The following MSRA variants were observed in gnomAD, a reference collection of about 807,000 sequenced individuals.
MSRA encodes the protein mitochondrial peptide methionine sulfoxide reductase.
MSRA carries 54 observed loss-of-function variants against 31.3 expected under a neutral mutation model. The observed-to-expected ratio is 1.73, with a 90% CI of 1.39 to 2.17. The LOEUF is 2.17. MSRA is among the 30% of genes most tolerant of loss of function. MSRA has a pLI of 0.00. For synonymous variants in MSRA, 169 were observed against 116.5 expected (o/e 1.45, Z -2.90); for missense variants, 507 against 300.9 (o/e 1.69, Z -5.07).
chr8:10,087,977 T>A (rs1005248263), intron 1 of MSRA, among the ~76,000 whole-genome samples: 1 of 152,216 alleles, frequency 6.6e-6, no homozygotes, highest in Non-Finnish European at 1.5e-5. Flanking sequence ...GGCAAATACT[T>A]CAGTTAATGC....
intron 1 of MSRA, among the ~76,000 whole-genome samples, chr8:10,126,852 T>G (rs1306749056): frequency 6.6e-6 from 1 of 152,188 alleles, no homozygotes; most frequent in Non-Finnish European, 1.5e-5. Flanking sequence ...TTAGATATCT[T>G]GCACATGCAG....
intron 3 of MSRA, among the ~76,000 whole-genome samples, chr8:10,296,105 C>T (rs1234509430): frequency 6.6e-6 from 1 of 152,118 alleles, no homozygotes; most frequent in African/African-American, 2.4e-5. Flanking sequence ...CTGGGCCTTT[C>T]TAGGGTGTGG....
chr8:10,070,128 T>A (rs1432531373), intron 1 of MSRA, among the ~76,000 whole-genome samples: 1 of 152,240 alleles, frequency 6.6e-6, no homozygotes, highest in East Asian at 1.9e-4. Context: ...TCTGTGATGA[T>A]GAATACTTTG....
At chr8:10,196,992 C>G (rs1469616041) in intron 1 of MSRA, among the ~76,000 whole-genome samples, 1 of 152,172 alleles carries the variant, frequency 6.6e-6, no homozygotes, top group Non-Finnish European at 1.5e-5. Context: ...AAACACATGT[C>G]TTAGTATAAA....
At chr8:10,105,343 G>A (rs534363357) in intron 1 of MSRA, among the ~76,000 whole-genome samples, 3 of 152,248 alleles carry the variant, frequency 2.0e-5, no homozygotes, top group East Asian at 3.9e-4. Flanking sequence ...GGCAGAGAGG[G>A]CTAATGGGAC....
chr8:10,273,005 A>G (rs1799127538), intron 3 of MSRA, among the ~76,000 whole-genome samples: 2 of 152,242 alleles, frequency 1.3e-5, no homozygotes, highest in African/African-American at 2.4e-5. Context: ...GGTATAAGCA[A>G]TCATGAAGAG....
intron 4 of MSRA, among the ~76,000 whole-genome samples, chr8:10,316,150 G>C (rs538575323): frequency 2.2e-4 from 34 of 151,916 alleles, no homozygotes; most frequent in Admixed American, 3.9e-4. Flanking sequence ...GCAGGTGATA[G>C]ATAGTGACCG....
intron 5 of MSRA, among the ~76,000 whole-genome samples, chr8:10,395,439 C>G (rs1044703443): frequency 6.6e-6 from 1 of 151,948 alleles, no homozygotes; most frequent in African/African-American, 2.4e-5. Context: ...TTGGTTGAGG[C>G]CAAAATATGG....
intron 1 of MSRA, among the ~76,000 whole-genome samples, chr8:10,091,684 G>A (rs1280355897): frequency 2.1e-5 from 3 of 146,268 alleles, no homozygotes; most frequent in Non-Finnish European, 4.5e-5. Context: ...TTGGCTCATT[G>A]CAACCTCTGC....
chr8:10,159,140 A>G (rs1192837398), intron 1 of MSRA, among the ~76,000 whole-genome samples: 1 of 152,154 alleles, frequency 6.6e-6, no homozygotes, highest in Non-Finnish European at 1.5e-5. Flanking sequence ...GAATGGTGAG[A>G]AGTGAGTGGA....
chr8:10,207,769 G>T, intron 1 of MSRA, 64 bp from the exon 2 acceptor site: 2 of 1,405,838 alleles, frequency 1.4e-6, no homozygotes, highest in East Asian at 2.3e-5. Context: ...CACATTTAAT[G>T]ACATGTGTTA....
chr8:10,096,194 A>C, intron 1 of MSRA: 1 of 1,254,204 alleles, frequency 8.0e-7, no homozygotes, highest in Non-Finnish European at 1.0e-6. Context: ...TTCTTAAAGC[A>C]ACAGCTTTTA....
chr8:10,128,553 G>A (rs1306313111), intron 1 of MSRA, among the ~76,000 whole-genome samples: 2 of 152,126 alleles, frequency 1.3e-5, no homozygotes, highest in Non-Finnish European at 1.5e-5. Flanking sequence ...CACAGCTGAG[G>A]CTGGTGTAGG....
chr8:10,261,066 T>C (rs1277321470), intron 3 of MSRA, among the ~76,000 whole-genome samples: 1 of 152,082 alleles, frequency 6.6e-6, no homozygotes, highest in East Asian at 1.9e-4. Context: ...AAAAACCAAA[T>C]AGTACTAAAC....
At chr8:10,160,960 G>C (rs1804584236) in intron 1 of MSRA, among the ~76,000 whole-genome samples, 1 of 151,636 alleles carries the variant, frequency 6.6e-6, no homozygotes, top group African/African-American at 2.4e-5. Context: ...AATTAACATT[G>C]CTAATTCTTT....
chr8:10,352,361 G>T (rs914871052), intron 5 of MSRA, among the ~76,000 whole-genome samples: 1 of 151,896 alleles, frequency 6.6e-6, no homozygotes, highest in African/African-American at 2.4e-5. Flanking sequence ...TATGCGAAGG[G>T]GAAAATCTAG....
chr8:10,361,698 G>C (rs992430395), intron 5 of MSRA, among the ~76,000 whole-genome samples: 1 of 152,126 alleles, frequency 6.6e-6, no homozygotes, highest in Non-Finnish European at 1.5e-5. Flanking sequence ...GCAAAACACA[G>C]AAAGCACTTC....
chr8:10,240,124 A>G (rs1812281318), intron 2 of MSRA, among the ~76,000 whole-genome samples: 1 of 152,206 alleles, frequency 6.6e-6, no homozygotes, highest in Admixed American at 6.5e-5. Context: ...GGAAAGTCAA[A>G]CACGTGCCAA....
chr8:10,400,877 A>T (rs964276793), intron 5 of MSRA, among the ~76,000 whole-genome samples: 3 of 152,226 alleles, frequency 2.0e-5, no homozygotes, highest in African/African-American at 7.2e-5. Context: ...AATTAACTCA[A>T]AATGGATCAA....
Sources: allele counts gnomAD v4.1 joint callset (sites outside exome capture counted in the v4.1 genomes callset), GRCh38; gene constraint gnomAD v4.1.1; transcripts MANE v1.5; gene names NCBI Gene and HGNC (gene_info 2026-07-23, HGNC 2026-07-21).